Variants in ASB2 observed in about 807,000 individuals in gnomAD.
The protein encoded by ASB2 is ankyrin repeat and SOCS box protein 2.
A neutral mutation model predicts 62.4 loss-of-function variants in ASB2; 58 were observed. The ratio of observed to expected loss-of-function variants is 0.93; its 90% CI spans 0.75 to 1.16. ASB2 has a LOEUF of 1.16. ASB2 is among the 50% of genes most tolerant of loss of function. The pLI is 0.00. For synonymous variants in ASB2, 386 were observed against 385.3 expected, an observed-to-expected ratio of 1.00 and a Z score of -0.02; for missense variants, 928 against 887.9, an observed-to-expected ratio of 1.05 and a Z score of -0.57.
chr14:93,937,626 AC>A, intron 9 of ASB2, 71 bp downstream of exon 9: 1 of 1,492,704 alleles, frequency 6.7e-7, no homozygotes, highest in Non-Finnish European at 9.1e-7. Flanking sequence ...GAACAGTCGC[AC>A]TCCCTGAGGC....
At chr14:93,971,884 A>T (rs1238117578) in intron 1 of ASB2, among the ~76,000 whole-genome samples, 1 of 151,968 alleles carries the variant, frequency 6.6e-6, no homozygotes, top group Non-Finnish European at 1.5e-5. Context: ...TGAAGGCCAG[A>T]ATCAAACTGA....
chr14:93,939,398 T>C lies in ASB2; in HGVS notation c.1327A>G (p.Ser443Gly), dbSNP rs1888414431. 13 of 1,612,824 alleles carry C rather than the reference T, an allele frequency of 8.1e-6. No homozygotes were observed. The highest frequency in any genetic ancestry group is 1.3e-5 in the African/African-American group (1 of 74,942). The change falls in exon 8 of 10, where the codon AGC becomes GGC. Residue 443 changes from serine (S) to glycine (G), a missense_variant. By Grantham distance (56) the Ser-to-Gly change is moderately conservative. Coordinates refer to ENST00000555019, the MANE Select transcript of ASB2 (RefSeq NM_001202429.2). Reference protein sequence around the residue: ...HGADPNRDVISPLLVAIRHGC... With the variant: ...HGADPNRDVIGPLLVAIRHGC... ...TGGCGGATGGCCACGAGCAAGGGGC[T>C]GATGACGTCGCGGTTGGGGTCGGCG... is the stretch of plus-strand genomic sequence containing the variant.
intron 2 of ASB2, 177 bp from the exon 3 acceptor site, chr14:93,957,047 T>G (rs1045062723): frequency 6.7e-7 from 1 of 1,485,456 alleles, no homozygotes. Flanking sequence ...ACAGCTGCTG[T>G]GTCTCCGGAT....
intron 1 of ASB2, 129 bp downstream of exon 1, chr14:93,976,305 G>T (rs74075660): frequency 6.6e-6 from 1 of 152,202 alleles, no homozygotes. Flanking sequence ...AAGAAAATAC[G>T]AGAGAGAGGG....
chr14:93,975,605 G>A (rs1249198472), intron 1 of ASB2, among the ~76,000 whole-genome samples: 2 of 152,136 alleles, frequency 1.3e-5, no homozygotes, highest in Admixed American at 6.5e-5. Context: ...CTTCTTGCTT[G>A]GCCTGGAAGG....
chr14:93,970,776 C>T (rs1889735964), intron 1 of ASB2, among the ~76,000 whole-genome samples: 1 of 152,202 alleles, frequency 6.6e-6, no homozygotes, highest in Admixed American at 6.5e-5. Flanking sequence ...TCTGCCACCT[C>T]CTGGCCACGT....
intron 6 of ASB2, among the ~76,000 whole-genome samples, chr14:93,949,003 C>T (rs1259313245): frequency 6.6e-6 from 1 of 152,202 alleles, no homozygotes; most frequent in East Asian, 1.9e-4. Flanking sequence ...AGGAATCAGG[C>T]CTGGTGACAA....
chr14:93,936,673 G>A lies in ASB2; in HGVS notation c.1771+1025C>T, dbSNP rs531493564. On this transcript the variant is annotated intron_variant, in intron 9 of 9. Coordinates refer to ENST00000555019, the MANE Select transcript of ASB2 (RefSeq NM_001202429.2). ...ACATTTGGGTTCACAGGGGTGTGGG[G>A]ATCAAGGAGGAATGTGGTGAGTCAG... is the stretch of plus-strand genomic sequence containing the variant. Among the ~76,000 whole-genome samples the A allele has an allele frequency of 3.3e-5, 5 of 152,342 alleles. No homozygotes were observed. The East Asian group carries it at 9.6e-4, about 29-fold the overall frequency.
chr14:93,957,419 C>A (rs909347596), intron 2 of ASB2: 38 of 996,476 alleles, frequency 3.8e-5, no homozygotes, highest in Non-Finnish European at 4.0e-5. Flanking sequence ...ACTATAGTAA[C>A]CTCTATAGTG....
intron 8 of ASB2, among the ~76,000 whole-genome samples, chr14:93,938,807 C>T (rs1251073055): frequency 1.3e-5 from 2 of 152,222 alleles, no homozygotes; most frequent in Non-Finnish European, 2.9e-5. Context: ...CTAAGTTCTG[C>T]GGCCTCTTAA....
chr14:93,942,700 G>A (rs1392027291), intron 7 of ASB2, among the ~76,000 whole-genome samples: 1 of 152,232 alleles, frequency 6.6e-6, no homozygotes, highest in Non-Finnish European at 1.5e-5. Context: ...GAGGGGCCCA[G>A]CATGGGCAGT....
rs373214496 is a variant in ASB2, at chr14:93,953,372, C to T, written c.614G>A (p.Arg205Gln). The T allele has an allele frequency of 3.1e-5, 49 of 1,589,976 alleles. No homozygotes were observed. In the Middle Eastern group the frequency reaches 5.0e-4, roughly 16 times the overall value. ...GAEPDISNKS[R>Q]ETPLYKACER... is the part of the protein sequence containing the mutation. The stretch of plus-strand genomic sequence containing the variant: ...CTCACCTTTGTAGAGCGGTGTCTCT[C>T]GGGATTTGTTGGAGATGTCCGGCTC... Residue 205 changes from arginine to glutamine, a missense_variant, in exon 5 of 10, where the codon CGA becomes CAA. Arg to Gln is a conservative substitution (Grantham distance 43, BLOSUM62 1). Coordinates refer to ENST00000555019, the MANE Select transcript of ASB2 (RefSeq NM_001202429.2).
chr14:93,954,281 T>C (rs759898168), intron 4 of ASB2, 36 bp downstream of exon 4: 10 of 1,587,324 alleles, frequency 6.3e-6, no homozygotes, highest in Admixed American at 3.3e-5. Context: ...CTAGTCCCTT[T>C]CCCACCTCTT....
At chr14:93,957,378 A>G (rs537872513) in intron 2 of ASB2, 132 of 1,021,750 alleles carry the variant, frequency 1.3e-4, no homozygotes, top group Non-Finnish European at 1.5e-4. Flanking sequence ...CCAGCTCATT[A>G]GGGGATCTTG....
In ASB2 at chr14:93,939,710, T is replaced by G. The variant is rs528339849; in HGVS notation, c.1053-38A>C. ...GGGGCGGGCGCGGGTGAGGGGAGGG[T>G]CGGGGTGTGGACGGGTAGGGCCGGC... On this transcript the variant is annotated intron_variant, in intron 7 of 9. Coordinates refer to ENST00000555019, the MANE Select transcript of ASB2 (RefSeq NM_001202429.2). 2.0e-5 allele frequency: 27 copies of G among 1,326,670 alleles called. No homozygotes were observed. The South Asian group carries it at 2.6e-4, about 13-fold the overall frequency. The allele number at this position is 1,326,670 out of a possible 1,614,324, so 82.2% of individuals were successfully genotyped here. A position where few individuals can be genotyped will look rare whatever the true frequency, so the allele number is the denominator to read the frequency against.
At chr14:93,963,791 C>A (rs918013121) in intron 2 of ASB2, among the ~76,000 whole-genome samples, 1 of 152,104 alleles carries the variant, frequency 6.6e-6, no homozygotes, top group Non-Finnish European at 1.5e-5. Context: ...GCTGTTGGAA[C>A]CTTTAAAATT....
chr14:93,969,194 G>A (rs979491192), intron 1 of ASB2, among the ~76,000 whole-genome samples: 4 of 152,200 alleles, frequency 2.6e-5, no homozygotes, highest in Admixed American at 6.5e-5. Context: ...TGCACGGGCC[G>A]CTTCAGGACA....
rs779242464 is a variant in ASB2, at chr14:93,956,819, G to A, written c.258C>T (p.Phe86=). 2.5e-6 allele frequency: 4 copies of A among 1,614,220 alleles called. No individual in the cohort carries two copies. In the South Asian group the frequency reaches 3.3e-5, roughly 13 times the overall value. ...SSPARAPMGL[F]QGVMQKYSSS... ...TGCTGTATTTCTGCATGACCCCTTG[G>A]AACAAGCCCATTGGGGCCCGGGCCG... The change falls in exon 3 of 10, where the codon TTC becomes TTT. Residue 86 remains phenylalanine, a synonymous_variant. Coordinates refer to ENST00000555019, the MANE Select transcript of ASB2 (RefSeq NM_001202429.2).
In ASB2 at chr14:93,939,677, C is replaced by G; in HGVS notation, c.1053-5G>C. ...GGCAGCAGCATCTGCACGATCCTGC[C>G]GGGTCGAGGGGCGGGCGCGGGTGAG... On this transcript the variant is annotated splice_polypyrimidine_tract_variant and splice_region_variant and intron_variant, in intron 7 of 9. Transcript: ENST00000555019. 1 of 1,401,294 alleles carries G rather than the reference C, an allele frequency of 7.1e-7. No homozygotes were observed. 86.8% of individuals were successfully genotyped at this position (1,401,294 alleles called of 1,614,324 possible).
Sources: gnomAD v4.1 joint callset for allele counts (sites outside exome capture counted in the v4.1 genomes callset) on GRCh38, gnomAD v4.1.1 for gene constraint, MANE v1.5 for transcripts, NCBI Gene and HGNC (gene_info 2026-07-23, HGNC 2026-07-21) for gene names.